NLRP1: variants seen among roughly 807,000 people sequenced by gnomAD.
The protein encoded by NLRP1 is NACHT, LRR and PYD domains-containing protein 1.
A neutral mutation model predicts 136.7 loss-of-function variants in NLRP1; 94 were observed. That is an observed-to-expected ratio of 0.69 (90% CI 0.58 to 0.82). The LOEUF (loss-of-function observed/expected upper bound fraction) is 0.82. NLRP1 is among the 40% of genes least tolerant of loss of function. The pLI is 0.00. For synonymous variants in NLRP1, 690 were observed against 725.1 expected (o/e 0.95, Z 0.78); for missense variants, 1,575 against 1,802.7 (o/e 0.87, Z 2.29).
rs12601393 is a variant in NLRP1, at chr17:5,565,843, G to A, written c.653-5800C>T. ...CTTCACTGTAAGGCTTTTTATTACGGCTTCCATGTTGTTACTTGTTATTGG... is the reference window on the plus strand; with the variant it reads ...CTTCACTGTAAGGCTTTTTATTACGACTTCCATGTTGTTACTTGTTATTGG... On this transcript the variant is annotated intron_variant, in intron 3 of 16. Transcript: ENST00000572272. Among the ~76,000 whole-genome samples, 1,630 of 152,166 alleles carry A rather than the reference G, an allele frequency of 0.011. 133 individuals are homozygous for A. The South Asian group carries it at 0.17, about 16-fold the overall frequency.
At position 5,584,144 on chromosome 17, in the gene NLRP1, C is replaced by T; in HGVS notation, c.-187G>A. 1.6e-6 allele frequency: 1 copy of T among 631,054 alleles called. No homozygotes were observed. The highest frequency in any genetic ancestry group is 2.8e-5 in the East Asian group (1 of 36,348). 39.1% of individuals were successfully genotyped at this position (631,054 alleles called of 1,614,324 possible). ...GATAGAGGGGGAGTGGTAGGAAAAG[C>T]CAGGGGAGGGAGGAGCCCAGAGGGG... On this transcript the variant is annotated 5_prime_UTR_variant, in exon 1 of 17. Transcript: ENST00000572272.
At chr17:5,567,653 T>A (rs57705094) in intron 3 of NLRP1, among the ~76,000 whole-genome samples, 20,169 of 152,112 alleles carry the variant, frequency 0.13, 1,737 homozygotes, top group African/African-American at 0.24. Flanking sequence ...TACTTACTAT[T>A]ATGAGTAAGT....
Position 5,559,311 on chromosome 17 carries a change from G to A in NLRP1, c.1385C>T (p.Ala462Val). 5 of 1,614,152 alleles carry A rather than the reference G, an allele frequency of 3.1e-6. No homozygotes were observed. Among genetic ancestry groups the A allele is most frequent in the Non-Finnish European group, 3.4e-6 (4 of 1,179,988 alleles). ...CAAAGAAGGAATGAGGTTCTGCAGA[G>A]CTGTGGTCCGAGCCGTGATCAGGAA... ...ASFLITARTT[A>V]LQNLIPSLEQ... Residue 462 changes from alanine (A) to valine (V), a missense_variant, in exon 4 of 17, where the codon GCT (alanine) becomes GTT (valine). Physicochemically the swap from Ala to Val is moderately conservative, Grantham distance 64. Transcript: ENST00000572272.
At chr17:5,580,433 GT>G (rs918947523) in intron 3 of NLRP1, among the ~76,000 whole-genome samples, 11 of 148,314 alleles carry the variant, frequency 7.4e-5, no homozygotes, top group African/African-American at 2.2e-4. Flanking sequence ...GTTTGTTGTT[GT>G]TTTTTTTTTA....
intron 7 of NLRP1, among the ~76,000 whole-genome samples, chr17:5,538,549 C>A (rs183936773): frequency 1.2e-4 from 19 of 152,216 alleles, no homozygotes; most frequent in Non-Finnish European, 2.5e-4. Flanking sequence ...CTCATAATAC[C>A]CTGTACTTTC....
downstream of NLRP1, among the ~76,000 whole-genome samples, chr17:5,513,659 C>T (rs899408377): frequency 1.3e-5 from 2 of 152,152 alleles, no homozygotes; most frequent in Non-Finnish European, 2.9e-5. Flanking sequence ...CCCTGTTCAG[C>T]ATGAAGCAGT....
chr17:5,558,366 G>C lies in NLRP1; in HGVS notation c.2330C>G (p.Ser777Ter). 1 of 1,611,928 alleles carries C rather than the reference G, an allele frequency of 6.2e-7. No homozygotes were observed. Among genetic ancestry groups the C allele is most frequent in the Non-Finnish European group, 8.5e-7 (1 of 1,178,966 alleles). Residue 777 changes from serine (S) to a stop codon, truncating the protein, a stop_gained, in exon 4 of 17, where the codon TCA (serine) becomes TGA (stop). Coordinates refer to ENST00000572272, the MANE Select transcript of NLRP1 (RefSeq NM_033004.4). LOFTEE classifies it high-confidence loss of function. ...LQLIEGRQHR[S>*]TWSPTMVVLF... ...GACTACCATGGTGGGGCTCCATGTT[G>C]ATCTGTGCTGCCTGCCCTCAATCAG... is the stretch of plus-strand genomic sequence containing the variant.
chr17:5,516,380 G>T (rs530749266), intron 15 of NLRP1, among the ~76,000 whole-genome samples: 1 of 152,292 alleles, frequency 6.6e-6, no homozygotes, highest in South Asian at 2.1e-4. Context: ...GAGGAATGAT[G>T]GAAGGAGCTG....
At chr17:5,509,747 C>T (rs531551053), downstream of NLRP1, among the ~76,000 whole-genome samples, 1 of 152,186 alleles carries the variant, frequency 6.6e-6, no homozygotes, top group Non-Finnish European at 1.5e-5. Context: ...TGAGGTGATT[C>T]ATCCGTCTCA....
At chr17:5,573,667 C>T (rs1263560843) in intron 3 of NLRP1, among the ~76,000 whole-genome samples, 1 of 152,228 alleles carries the variant, frequency 6.6e-6, no homozygotes, top group Non-Finnish European at 1.5e-5. Flanking sequence ...GCAATATTCG[C>T]TGTTCTTCAG....
At chr17:5,542,344 T>A (rs12937100) in intron 5 of NLRP1, among the ~76,000 whole-genome samples, 6,966 of 152,202 alleles carry the variant, frequency 0.046, 189 homozygotes, top group Middle Eastern at 0.082. Context: ...TCATCTCTAA[T>A]CTCTTTTAGG....
In NLRP1 at chr17:5,558,740, A is replaced by G. The variant is rs1356519404; in HGVS notation, c.1956T>C (p.Asp652=). 1.2e-6 allele frequency: 2 copies of G among 1,614,114 alleles called. No individual in the cohort carries two copies. Among genetic ancestry groups the G allele is most frequent in the East Asian group, 2.2e-5 (1 of 44,874 alleles). ...CATATGCTTCTAGCGTCTTTTCCAA[A>G]TCTATGATGCAATTAGAATGTTTAC... is the stretch of plus-strand genomic sequence containing the variant. The part of the protein sequence containing the change: ...GRGKHSNCII[D]LEKTLEAYGI... Residue 652 remains aspartate, a synonymous_variant, in exon 4 of 17, where the codon GAT becomes GAC. Transcript: ENST00000572272.
At position 5,517,724 on chromosome 17, in the gene NLRP1, T is replaced by C. The variant is rs1449381568; in HGVS notation, c.4057+22A>G. ...TCTTTCTCCTCCCACCTCTGAGTTC[T>C]CTGGAATTGTCCTGGATTTACCTGG... is the stretch of plus-strand genomic sequence containing the variant. On this transcript the variant is annotated intron_variant, in intron 15 of 16. Transcript: ENST00000572272. 3 of 1,613,812 alleles carry C rather than the reference T, an allele frequency of 1.9e-6. No homozygotes were observed. In the African/African-American group the frequency reaches 4.0e-5, roughly 22 times the overall value.
intron 15 of NLRP1, chr17:5,502,026 AAGGCCAGGAT>A (rs1597383820): frequency 1.5e-6 from 1 of 652,584 alleles, no homozygotes; most frequent in East Asian, 2.9e-5. Context: ...GGGGTGAACC[AAGGCCAGGAT>A]GCTGAAACGC....
chr17:5,527,877 A>G (rs1354833073), intron 12 of NLRP1, among the ~76,000 whole-genome samples: 1 of 152,204 alleles, frequency 6.6e-6, no homozygotes, highest in Non-Finnish European at 1.5e-5. Context: ...TGCACGCAGG[A>G]GACTGAGCAG....
intron 3 of NLRP1, among the ~76,000 whole-genome samples, chr17:5,579,661 A>G (rs142374488): frequency 2.9e-4 from 44 of 152,328 alleles, no homozygotes; most frequent in African/African-American, 1.0e-3. Flanking sequence ...CACTAGTCAC[A>G]ATAGCACCAG....
chr17:5,554,386 C>T (rs1913775690), intron 4 of NLRP1, among the ~76,000 whole-genome samples: 1 of 152,198 alleles, frequency 6.6e-6, no homozygotes, highest in South Asian at 2.1e-4. Context: ...AATCTCTATT[C>T]CAAGTTTCAG....
chr17:5,553,848 C>T (rs997434644), intron 4 of NLRP1, among the ~76,000 whole-genome samples: 8 of 146,798 alleles, frequency 5.4e-5, no homozygotes, highest in African/African-American at 1.6e-4. Context: ...CAGGGACAGA[C>T]ATTTGTCTTT....
intron 3 of NLRP1, 28 bp downstream of exon 3, chr17:5,581,831 C>T: frequency 6.3e-7 from 1 of 1,589,712 alleles, no homozygotes; most frequent in Non-Finnish European, 8.6e-7. Context: ...CACCTCACCA[C>T]CCCGCCAGGA....
Sources: allele counts gnomAD v4.1 joint callset (sites outside exome capture counted in the v4.1 genomes callset), GRCh38; gene constraint gnomAD v4.1.1; transcripts MANE v1.5; gene names NCBI Gene and HGNC (gene_info 2026-07-23, HGNC 2026-07-21).